CCBE1: variants seen among roughly 807,000 people sequenced by gnomAD.
CCBE1 encodes collagen and calcium-binding EGF domain-containing protein 1.
Under a neutral mutation model 50.0 loss-of-function variants are expected in CCBE1, and 37 were observed. That is an observed-to-expected ratio of 0.74 (90% CI 0.57 to 0.97). CCBE1 has a LOEUF of 0.97. CCBE1 is among the 50% of genes least tolerant of loss of function. CCBE1 has a pLI of 0.00. For synonymous variants in CCBE1, 234 were observed against 203.7 expected (o/e 1.15, Z -1.27); for missense variants, 538 against 523.8 (o/e 1.03, Z -0.26).
intron 2 of CCBE1, among the ~76,000 whole-genome samples, chr18:59,633,101 A>G (rs1042673408): frequency 1.3e-5 from 2 of 152,222 alleles, no homozygotes; most frequent in African/African-American, 2.4e-5. Context: ...ACAGCTCTCA[A>G]TAACTCACAC....
intron 6 of CCBE1, among the ~76,000 whole-genome samples, chr18:59,449,625 C>CAAA (rs34310128): frequency 7.9e-6 from 1 of 126,360 alleles, no homozygotes; most frequent in African/African-American, 2.9e-5. Context: ...AGACTCTGTC[C>CAAA]AAAAAAAAAA....
At chr18:59,571,739 TGA>T (rs2052918951) in intron 2 of CCBE1, among the ~76,000 whole-genome samples, 1 of 152,178 alleles carries the variant, frequency 6.6e-6, no homozygotes, top group Non-Finnish European at 1.5e-5. Flanking sequence ...ATAATGAGGT[TGA>T]TTTAATCTCT....
rs901875516 is a variant in CCBE1 at position 59,536,911 on chromosome 18, G to T, written c.213-56673C>A. ...GGAGGCTGAGGCAGGAGAATCGCTTGATCTTGGGAGGCAGAGGTTGCAGTG... is the reference window on the plus strand; with the variant it reads ...GGAGGCTGAGGCAGGAGAATCGCTTTATCTTGGGAGGCAGAGGTTGCAGTG... On this transcript the variant is annotated intron_variant, in intron 2 of 10. Coordinates refer to ENST00000439986, the MANE Select transcript of CCBE1 (RefSeq NM_133459.4). Among the ~76,000 whole-genome samples, 9 of 149,640 alleles carry T rather than the reference G, an allele frequency of 6.0e-5. No homozygotes were observed. The South Asian group carries it at 1.9e-3, about 31-fold the overall frequency.
intron 2 of CCBE1, among the ~76,000 whole-genome samples, chr18:59,493,741 G>A (rs149393415): frequency 5.9e-4 from 90 of 152,264 alleles, no homozygotes; most frequent in African/African-American, 2.0e-3. Context: ...GATATGCTTA[G>A]TGGTATGGTT....
At chr18:59,636,865 T>A (rs2053923175) in intron 2 of CCBE1, among the ~76,000 whole-genome samples, 1 of 152,188 alleles carries the variant, frequency 6.6e-6, no homozygotes. Context: ...AAGATATAAT[T>A]AAAATACTGG....
chr18:59,556,619 A>G (rs182030324), intron 2 of CCBE1, among the ~76,000 whole-genome samples: 2 of 152,284 alleles, frequency 1.3e-5, no homozygotes, highest in East Asian at 1.9e-4. Flanking sequence ...ATTTAATTAA[A>G]AGGGTGCTTT....
intron 2 of CCBE1, among the ~76,000 whole-genome samples, chr18:59,578,104 T>G (rs2435196): frequency 6.6e-6 from 1 of 151,782 alleles, no homozygotes; most frequent in Admixed American, 6.6e-5. Flanking sequence ...GGAACTGAAA[T>G]GTACAAGAAA....
In CCBE1 at chr18:59,469,499, C is replaced by T. The variant is rs577783085; in HGVS notation, c.374G>A (p.Arg125Gln). 17 of 1,614,194 alleles carry T rather than the reference C, an allele frequency of 1.1e-5. No individual in the cohort carries two copies. Among genetic ancestry groups the T allele is most frequent in the East Asian group, 6.7e-5 (3 of 44,878 alleles). Residue 125 changes from arginine to glutamine, a missense_variant, in exon 4 of 11, where the codon CGG becomes CAG. Arg to Gln is a conservative substitution (Grantham distance 43). Transcript: ENST00000439986. ...CAGACAGTATGGCTTCTCCCGCTTC[C>T]GGTGTCTCTCCCGGTCATATCGGTA... ...PGYRYDRERH[R>Q]KREKPYCLDI...
intron 2 of CCBE1, among the ~76,000 whole-genome samples, chr18:59,591,938 T>C (rs1453255460): frequency 6.6e-6 from 1 of 152,170 alleles, no homozygotes. Context: ...AAATGCAAAA[T>C]GCTCCAAAAT....
At chr18:59,449,877 C>G (rs1041933500) in intron 6 of CCBE1, among the ~76,000 whole-genome samples, 1 of 152,086 alleles carries the variant, frequency 6.6e-6, no homozygotes, top group Non-Finnish European at 1.5e-5. Context: ...GAAAAAGTGA[C>G]GAGGTAAGGT....
intron 2 of CCBE1, among the ~76,000 whole-genome samples, chr18:59,547,075 G>GAC (rs1915724652): frequency 8.7e-6 from 1 of 115,154 alleles, no homozygotes. Context: ...GAGAGAGGGG[G>GAC]AGAGAAAGGG....
intron 2 of CCBE1, among the ~76,000 whole-genome samples, chr18:59,506,169 G>T (rs568805302): frequency 2.0e-4 from 31 of 152,298 alleles, no homozygotes; most frequent in African/African-American, 7.2e-4. Flanking sequence ...GACAAAGAAA[G>T]GACACAGAGA....
chr18:59,673,725 T>C (rs2054464134), intron 2 of CCBE1, among the ~76,000 whole-genome samples: 1 of 152,222 alleles, frequency 6.6e-6, no homozygotes, highest in South Asian at 2.1e-4. Flanking sequence ...ATTGGTTCTG[T>C]TCATGTGATG....
At chr18:59,529,517 A>T (rs1009190140) in intron 2 of CCBE1, among the ~76,000 whole-genome samples, 1 of 152,224 alleles carries the variant, frequency 6.6e-6, no homozygotes, top group African/African-American at 2.4e-5. Flanking sequence ...CCTGATCCAC[A>T]GGTTGCACAG....
chr18:59,525,308 T>C (rs1488924494), intron 2 of CCBE1, among the ~76,000 whole-genome samples: 1 of 152,256 alleles, frequency 6.6e-6, no homozygotes. Flanking sequence ...GGTTTTGATT[T>C]GCCTTTCTCT....
intron 2 of CCBE1, among the ~76,000 whole-genome samples, chr18:59,537,011 G>T (rs200283050): frequency 1.4e-5 from 2 of 143,164 alleles, no homozygotes; most frequent in Non-Finnish European, 3.1e-5. Context: ...AAAAAAAATG[G>T]ATGTTTTTCA....
intron 7 of CCBE1, among the ~76,000 whole-genome samples, 190 bp from the exon 8 acceptor site, chr18:59,440,006 C>CT (rs1910348185): frequency 6.6e-6 from 1 of 152,248 alleles, no homozygotes; most frequent in Non-Finnish European, 1.5e-5. Context: ...CCCCATCTTC[C>CT]TCTCTTTTCG....
At position 59,433,223 on chromosome 18, in the gene CCBE1, G is replaced by A. The variant is rs574005370; in HGVS notation, c.*2685C>T. The A allele has an allele frequency of 6.6e-6, 1 of 151,984 alleles. No homozygotes were observed. Among genetic ancestry groups the A allele is most frequent in the South Asian group, 2.1e-4 (1 of 4,784 alleles). The allele number at this position is 151,984 out of a possible 1,614,324, so 9.4% of individuals were successfully genotyped here. The stretch of plus-strand genomic sequence containing the variant: ...TTCGAAAAGAGGCAGACTGGTTCCT[G>A]GGGTTACTGCCCTTCTAGGGGAAAG... On this transcript the variant is annotated 3_prime_UTR_variant, in exon 11 of 11. Transcript: ENST00000439986.
chr18:59,469,419 C>T, intron 4 of CCBE1, 54 bp downstream of exon 4: 1 of 1,612,902 alleles, frequency 6.2e-7, no homozygotes, highest in Non-Finnish European at 8.5e-7. Context: ...AGGACAGAAC[C>T]ATCTGAACAA....
Sources: gnomAD v4.1 joint callset for allele counts (sites outside exome capture counted in the v4.1 genomes callset) on GRCh38, gnomAD v4.1.1 for gene constraint, MANE v1.5 for transcripts, NCBI Gene and HGNC (gene_info 2026-07-23, HGNC 2026-07-21) for gene names.